CMKLR2: variants seen among roughly 807,000 people sequenced by gnomAD.
The protein encoded by CMKLR2 is chemerin-like receptor 2.
A neutral mutation model predicts 23.0 loss-of-function variants in CMKLR2; 18 were observed. That is an observed-to-expected ratio of 0.78 (90% CI 0.54 to 1.16). The LOEUF is 1.16. CMKLR2 is among the 50% of genes most tolerant of loss of function. The pLI, the probability that CMKLR2 is intolerant of heterozygous loss-of-function variation, is 0.00. For synonymous variants in CMKLR2, 158 were observed against 158.9 expected, an observed-to-expected ratio of 0.99 and a Z score of 0.05; for missense variants, 401 against 412.7, an observed-to-expected ratio of 0.97 and a Z score of 0.25.
rs1256355804 is a variant in CMKLR2, at chr2:206,176,482, C to T, written c.766G>A (p.Val256Met). 6.2e-7 allele frequency: 1 copy of T among 1,614,054 alleles called. No individual in the cohort carries two copies. The highest frequency in any genetic ancestry group is 1.7e-5 in the Admixed American group (1 of 60,006). The change falls in exon 2 of 2, where the codon GTG becomes ATG. Residue 256 changes from valine (V) to methionine (M), a missense_variant. Val to Met is a conservative substitution (Grantham distance 21). Coordinates refer to ENST00000621141, the MANE Select transcript of CMKLR2 (RefSeq NM_001389445.1). ...WTILVVVVAF[V>M]VCWTPYHLFS... is the part of the protein sequence containing the mutation. ...AGGTGATAAGGAGTCCAGCAAACCACAAAGGCCACAACCACAACCAGAATT... is the reference window on the plus strand; with the variant it reads ...AGGTGATAAGGAGTCCAGCAAACCATAAAGGCCACAACCACAACCAGAATT...
intron 1 of CMKLR2, among the ~76,000 whole-genome samples, chr2:206,201,846 A>G (rs561144519): frequency 6.6e-6 from 1 of 152,292 alleles, no homozygotes; most frequent in East Asian, 1.9e-4. Flanking sequence ...GAGAAACTAT[A>G]TCATGTGAGG....
chr2:206,181,263 G>T (rs1056818421), intron 1 of CMKLR2, among the ~76,000 whole-genome samples: 2 of 151,962 alleles, frequency 1.3e-5, no homozygotes, highest in Non-Finnish European at 2.9e-5. Flanking sequence ...CACCATGTTG[G>T]CCAGGCTGGC....
chr2:206,207,576 A>G (rs2105838556), intron 1 of CMKLR2, among the ~76,000 whole-genome samples: 1 of 152,242 alleles, frequency 6.6e-6, no homozygotes, highest in African/African-American at 2.4e-5. Context: ...GTATGGTACA[A>G]TGCTAAGCAA....
chr2:206,179,400 A>T, intron 1 of CMKLR2, among the ~76,000 whole-genome samples: 1 of 83,358 alleles, frequency 1.2e-5, no homozygotes, highest in African/African-American at 5.0e-5. Flanking sequence ...TTTTTTTGAG[A>T]CGGAGTCTTG....
Position 206,176,766 on chromosome 2 carries a change from A to T in CMKLR2, c.482T>A (p.Ile161Asn). 1 of 1,614,216 alleles carries T rather than the reference A, an allele frequency of 6.2e-7. No homozygotes were observed. The highest frequency in any genetic ancestry group is 8.5e-7 in the Non-Finnish European group (1 of 1,180,028). Residue 161 changes from isoleucine (I) to asparagine (N), a missense_variant, in exon 2 of 2, where the codon ATC becomes AAC. By Grantham distance (149) the Ile-to-Asn change is moderately radical. Coordinates refer to ENST00000621141, the MANE Select transcript of CMKLR2 (RefSeq NM_001389445.1). The stretch of plus-strand genomic sequence containing the variant: ...GCCAATTAGAGAAGCCAAAAGCCAG[A>T]TGAATATAATGACAATCAGAGAGTT... ...LKNSLIVIIF[I>N]WLLASLIGGP...
intron 1 of CMKLR2, among the ~76,000 whole-genome samples, chr2:206,198,098 G>C (rs1393328969): frequency 1.3e-5 from 2 of 152,180 alleles, no homozygotes; most frequent in Admixed American, 1.3e-4. Flanking sequence ...GGTTATGGAA[G>C]AGCAGCGTAG....
chr2:206,207,439 C>T (rs1689369329), intron 1 of CMKLR2, among the ~76,000 whole-genome samples: 1 of 152,096 alleles, frequency 6.6e-6, no homozygotes, highest in Non-Finnish European at 1.5e-5. Flanking sequence ...CATGCCTGGC[C>T]TGTTGCTTAT....
At chr2:206,188,625 A>G (rs922942926) in intron 1 of CMKLR2, among the ~76,000 whole-genome samples, 2 of 152,230 alleles carry the variant, frequency 1.3e-5, no homozygotes, top group Non-Finnish European at 2.9e-5. Flanking sequence ...GAGAACCTCT[A>G]TGAAGTCTCT....
At chr2:206,194,251 A>G (rs1040073966) in intron 1 of CMKLR2, among the ~76,000 whole-genome samples, 3 of 152,208 alleles carry the variant, frequency 2.0e-5, no homozygotes, top group African/African-American at 7.2e-5. Context: ...GGACAATTCT[A>G]GAACTTCCTT....
chr2:206,176,518 G>A lies in CMKLR2; in HGVS notation c.730C>T (p.His244Tyr), dbSNP rs542082936. The A allele has an allele frequency of 6.2e-7, 1 of 1,614,104 alleles. No homozygotes were observed. Among genetic ancestry groups the A allele is most frequent in the African/African-American group, 1.3e-5 (1 of 75,042 alleles). The change falls in exon 2 of 2, where the codon CAT becomes TAT. Residue 244 changes from histidine to tyrosine, a missense_variant. Transcript: ENST00000621141. The part of the protein sequence containing the change: ...KKRSILISSR[H>Y]FWTILVVVVA... ...ACCACAACCAGAATTGTCCAGAAAT[G>A]CCTACTGGAGATCAGGATGCTTCGC...
intron 1 of CMKLR2, among the ~76,000 whole-genome samples, chr2:206,209,292 C>G (rs892386374): frequency 6.6e-6 from 1 of 151,382 alleles, no homozygotes; most frequent in East Asian, 1.9e-4. Flanking sequence ...GAGCTGAGAT[C>G]GCAGCCACTG....
chr2:206,211,067 C>A (rs1482125405), intron 1 of CMKLR2, among the ~76,000 whole-genome samples: 3 of 152,146 alleles, frequency 2.0e-5, no homozygotes, highest in Admixed American at 6.5e-5. Context: ...GATTCTCCAC[C>A]TTTTTCAAGC....
At chr2:206,181,927 G>T (rs1268670752) in intron 1 of CMKLR2, among the ~76,000 whole-genome samples, 1 of 145,382 alleles carries the variant, frequency 6.9e-6, no homozygotes, top group East Asian at 2.0e-4. Flanking sequence ...CTCCAGCCTG[G>T]GTAACAAGAG....
chr2:206,201,789 A>G (rs1689105549), intron 1 of CMKLR2, among the ~76,000 whole-genome samples: 1 of 152,222 alleles, frequency 6.6e-6, no homozygotes, highest in Non-Finnish European at 1.5e-5. Flanking sequence ...GTTTAAGAGA[A>G]ACAATGATAA....
chr2:206,202,953 C>T lies in CMKLR2; in HGVS notation c.-29+10354G>A, dbSNP rs941788599. 3.3e-5 allele frequency among the ~76,000 whole-genome samples: 5 copies of T among 151,968 alleles called. No individual in the cohort carries two copies. In the South Asian group the frequency reaches 8.3e-4, roughly 25 times the overall value. On this transcript the variant is annotated intron_variant, in intron 1 of 1. Coordinates refer to ENST00000621141, the MANE Select transcript of CMKLR2 (RefSeq NM_001389445.1). Reference sequence around the variant, plus strand: ...CCCTAGTTCTTTCTTGCTACCAGATCGACCTCCTCCCTCCTAGATAACCCT... The same window carrying T: ...CCCTAGTTCTTTCTTGCTACCAGATTGACCTCCTCCCTCCTAGATAACCCT...
At chr2:206,201,848 C>G (rs1689107633) in intron 1 of CMKLR2, among the ~76,000 whole-genome samples, 2 of 152,060 alleles carry the variant, frequency 1.3e-5, no homozygotes, top group African/African-American at 4.8e-5. Flanking sequence ...GAAACTATAT[C>G]ATGTGAGGAG....
intron 1 of CMKLR2, among the ~76,000 whole-genome samples, chr2:206,194,032 T>G (rs535589759): frequency 6.6e-6 from 1 of 152,186 alleles, no homozygotes. Flanking sequence ...ACTTCCTCTC[T>G]TAAAGAAAGA....
chr2:206,182,887 C>A (rs201452490), intron 1 of CMKLR2, among the ~76,000 whole-genome samples: 2 of 151,962 alleles, frequency 1.3e-5, no homozygotes, highest in South Asian at 2.1e-4. Flanking sequence ...CAAAGTGCTG[C>A]GATTACAGGA....
At chr2:206,193,688 A>G (rs992061885) in intron 1 of CMKLR2, among the ~76,000 whole-genome samples, 16 of 152,206 alleles carry the variant, frequency 1.1e-4, no homozygotes, top group African/African-American at 3.4e-4. Context: ...CAGGGTACCT[A>G]CCAGATTATA....
Sources: allele counts gnomAD v4.1 joint callset (sites outside exome capture counted in the v4.1 genomes callset), GRCh38; gene constraint gnomAD v4.1.1; transcripts MANE v1.5; gene names NCBI Gene and HGNC (gene_info 2026-07-23, HGNC 2026-07-21).